PLPPR1: variants seen among roughly 807,000 people sequenced by gnomAD.
The protein encoded by PLPPR1 is phospholipid phosphatase-related protein type 1.
PLPPR1 carries 10 observed loss-of-function variants against 33.1 expected under a neutral mutation model. The ratio of observed to expected loss-of-function variants is 0.30; its 90% CI spans 0.19 to 0.51. PLPPR1 has a LOEUF of 0.51. PLPPR1 is among the 20% of genes least tolerant of loss of function. The pLI is 0.97. For missense variants in PLPPR1, 304 were observed against 408.1 expected (o/e 0.74, Z 2.20); for synonymous variants, 151 against 151.0 (o/e 1.00, Z 0.00).
chr9:101,177,577 T>C (rs1400926645), intron 1 of PLPPR1, among the ~76,000 whole-genome samples: 1 of 152,194 alleles, frequency 6.6e-6, no homozygotes, highest in African/African-American at 2.4e-5. Context: ...AGCACTTCTT[T>C]CAGCTGTGTA....
intron 1 of PLPPR1, among the ~76,000 whole-genome samples, chr9:101,107,770 A>C (rs1393144337): frequency 7.5e-6 from 1 of 133,046 alleles, no homozygotes; most frequent in African/African-American, 3.0e-5. Flanking sequence ...TTGCAGTTTA[A>C]TCTCAGACTG....
chr9:101,079,245 C>T (rs1830585804), intron 1 of PLPPR1, among the ~76,000 whole-genome samples: 1 of 152,184 alleles, frequency 6.6e-6, no homozygotes, highest in South Asian at 2.1e-4. Flanking sequence ...ACATTTTATT[C>T]TGCCATCTCC....
chr9:101,323,637 C>T (rs572528920), intron 7 of PLPPR1, among the ~76,000 whole-genome samples: 3 of 151,906 alleles, frequency 2.0e-5, no homozygotes, highest in Non-Finnish European at 2.9e-5. Flanking sequence ...GTCGGGAGTT[C>T]GATACCAGCC....
chr9:101,203,789 A>G (rs1826539040), intron 2 of PLPPR1, among the ~76,000 whole-genome samples: 1 of 76,432 alleles, frequency 1.3e-5, no homozygotes. Flanking sequence ...TTTTTACTCT[A>G]AAATTAAAAG....
At chr9:101,232,500 G>GA (rs1197638510) in intron 2 of PLPPR1, among the ~76,000 whole-genome samples, 4 of 149,514 alleles carry the variant, frequency 2.7e-5, no homozygotes, top group Non-Finnish European at 3.0e-5. Context: ...CTTAAAAAGA[G>GA]AAAAAAAATA....
At chr9:101,260,572 CTG>C (rs943802664) in intron 2 of PLPPR1, among the ~76,000 whole-genome samples, 4 of 152,082 alleles carry the variant, frequency 2.6e-5, no homozygotes, top group African/African-American at 9.7e-5. Flanking sequence ...GCCTGTGTAA[CTG>C]AGAGAATGGT....
chr9:101,065,057 A>G (rs1457974012), intron 1 of PLPPR1, among the ~76,000 whole-genome samples: 4 of 152,074 alleles, frequency 2.6e-5, no homozygotes, highest in Non-Finnish European at 5.9e-5. Flanking sequence ...CAATCAAACC[A>G]TATCAAGAAA....
chr9:101,206,381 A>G (rs1337198608), intron 2 of PLPPR1, among the ~76,000 whole-genome samples: 1 of 152,218 alleles, frequency 6.6e-6, no homozygotes, highest in Admixed American at 6.5e-5. Context: ...ATTATGCTGT[A>G]GGACTATATC....
intron 1 of PLPPR1, among the ~76,000 whole-genome samples, chr9:101,083,342 G>A (rs893989189): frequency 2.0e-5 from 3 of 148,738 alleles, no homozygotes; most frequent in Non-Finnish European, 3.0e-5. Flanking sequence ...AGCCCAGATC[G>A]TGCCAATGCA....
chr9:101,150,980 G>A (rs923945588), intron 1 of PLPPR1, among the ~76,000 whole-genome samples: 4 of 152,084 alleles, frequency 2.6e-5, no homozygotes, highest in Admixed American at 2.0e-4. Flanking sequence ...TTGGTCTGCT[G>A]TAGTTTATAC....
At chr9:101,125,043 A>G (rs1831227113) in intron 1 of PLPPR1, among the ~76,000 whole-genome samples, 1 of 152,186 alleles carries the variant, frequency 6.6e-6, no homozygotes, top group Non-Finnish European at 1.5e-5. Context: ...GCTAATTTCC[A>G]TAATTCAGAA....
intron 2 of PLPPR1, among the ~76,000 whole-genome samples, chr9:101,215,101 T>C (rs754441620): frequency 4.6e-5 from 7 of 151,292 alleles, no homozygotes; most frequent in Non-Finnish European, 7.4e-5. Context: ...ATGTTTGTAA[T>C]AGTAAAGTTA....
intron 2 of PLPPR1, among the ~76,000 whole-genome samples, chr9:101,223,027 G>T (rs1345016711): frequency 1.3e-5 from 2 of 151,570 alleles, no homozygotes; most frequent in Non-Finnish European, 2.9e-5. Context: ...AAGAAATGGA[G>T]TGGGGCCTGG....
intron 2 of PLPPR1, among the ~76,000 whole-genome samples, chr9:101,243,429 G>A (rs992655962): frequency 6.6e-6 from 1 of 151,874 alleles, no homozygotes; most frequent in Non-Finnish European, 1.5e-5. Context: ...ATATGAAGAG[G>A]AACAGTTTTG....
chr9:101,064,487 G>C (rs1477545469), intron 1 of PLPPR1, among the ~76,000 whole-genome samples: 1 of 152,028 alleles, frequency 6.6e-6, no homozygotes, highest in East Asian at 1.9e-4. Flanking sequence ...AGAAGCTGCA[G>C]GTTTCCAAAG....
At position 101,042,040 on chromosome 9, in the gene PLPPR1, T is replaced by C. The variant is rs147269783; in HGVS notation, c.-46+12938T>C. On this transcript the variant is annotated intron_variant, in intron 1 of 7. Coordinates refer to ENST00000374874, the MANE Select transcript of PLPPR1 (RefSeq NM_207299.2). ...CAGGTGGTGGAAAGCTAAACACATA[T>C]AGAGAAAATATAATTTATAGAAGAA... Among the ~76,000 whole-genome samples the C allele has an allele frequency of 3.5e-4, 53 of 152,184 alleles. 1 individual carries two copies. The highest frequency in any genetic ancestry group is 1.3e-3 in the African/African-American group (52 of 41,522).
chr9:101,286,509 T>C (rs1200512261), intron 4 of PLPPR1, among the ~76,000 whole-genome samples: 1 of 152,152 alleles, frequency 6.6e-6, no homozygotes. Context: ...TATTGCTATA[T>C]ACCTTTTAGC....
chr9:101,197,953 A>G (rs936482810), intron 2 of PLPPR1, among the ~76,000 whole-genome samples: 2 of 152,198 alleles, frequency 1.3e-5, no homozygotes, highest in African/African-American at 2.4e-5. Context: ...AAGACATTCT[A>G]TGTGGTTTTC....
Position 101,246,055 on chromosome 9 carries a change from AATATATATATATATATATATATATAT to A in PLPPR1, c.64-23795_64-23770del, listed in dbSNP as rs58070017. Among the ~76,000 whole-genome samples, 110 of 85,668 alleles carry A rather than the reference AATATATATATATATATATATATATAT, an allele frequency of 1.3e-3. 1 individual carries two copies. The highest frequency in any genetic ancestry group is 2.7e-3 in the Admixed American group (21 of 7,714). The allele number at this position is 85,668 out of a possible 152,430, so 56.2% of individuals were successfully genotyped here. On this transcript the variant is annotated intron_variant, in intron 2 of 7. Coordinates refer to ENST00000374874, the MANE Select transcript of PLPPR1 (RefSeq NM_207299.2). ...CATATACCTCTCAAAATTGAATATG[AATATATATATATATATATATATATAT>A]ATATATATATATATATATATATATA... is the stretch of plus-strand genomic sequence containing the variant.
Sources: gnomAD v4.1 joint callset for allele counts (sites outside exome capture counted in the v4.1 genomes callset) on GRCh38, gnomAD v4.1.1 for gene constraint, MANE v1.5 for transcripts, NCBI Gene and HGNC (gene_info 2026-07-23, HGNC 2026-07-21) for gene names.